The following ANKRD27 variants were observed in gnomAD, a reference collection of about 807,000 sequenced individuals.
ANKRD27 encodes the protein ankyrin repeat domain-containing protein 27.
ANKRD27 carries 112 observed loss-of-function variants against 129.7 expected under a neutral mutation model. The ratio of observed to expected loss-of-function variants is 0.86; its 90% CI spans 0.74 to 1.01. ANKRD27 has a LOEUF of 1.01. Among genes scored for constraint, ANKRD27 ranks in the 50% least tolerant of loss-of-function variants. The probability of loss-of-function intolerance (pLI) is 0.00; values close to 1 mark genes in which losing one functional copy is unlikely to be tolerated. For missense variants in ANKRD27, 1,258 were observed against 1,300.5 expected (o/e 0.97, Z 0.50); for synonymous variants, 516 against 511.2 (o/e 1.01, Z -0.13).
chr19:32,646,878 T>G (rs1191173300), intron 3 of ANKRD27, among the ~76,000 whole-genome samples: 1 of 152,162 alleles, frequency 6.6e-6, no homozygotes, highest in East Asian at 1.9e-4. Flanking sequence ...CAGGCTGGAG[T>G]GCAGTGGTGC....
At position 32,642,086 on chromosome 19, in the gene ANKRD27, T is replaced by C; in HGVS notation, c.842A>G (p.Gln281Arg). The change falls in exon 10 of 29, where the codon CAG becomes CGG. Residue 281 changes from glutamine to arginine, a missense_variant. Coordinates refer to ENST00000306065, the MANE Select transcript of ANKRD27 (RefSeq NM_032139.3). ...LAQLNKCTSP[Q>R]QKLVCLRKVV... ...TTTTCGCAAGCAGACAAGCTTCTGC[T>C]GTGGGGAGGTGCATTTGTTCAGCTG... 2 of 1,611,506 alleles carry C rather than the reference T, an allele frequency of 1.2e-6. No individual in the cohort carries two copies. Among genetic ancestry groups the C allele is most frequent in the Non-Finnish European group, 1.7e-6 (2 of 1,178,138 alleles).
chr19:32,658,827 A>G, intron 2 of ANKRD27, 87 bp downstream of exon 2: 1 of 1,178,688 alleles, frequency 8.5e-7, no homozygotes, highest in Non-Finnish European at 1.3e-6. Flanking sequence ...TGAGTTTATA[A>G]CAAACTCCCT....
chr19:32,639,225 C>T, intron 12 of ANKRD27, 131 bp downstream of exon 12: 3 of 1,067,622 alleles, frequency 2.8e-6, no homozygotes, highest in Non-Finnish European at 2.7e-6. Context: ...AGACTCACAG[C>T]CCTCAAACAG....
intron 20 of ANKRD27, 125 bp from the exon 21 acceptor site, chr19:32,617,758 T>TTG: frequency 1.4e-5 from 5 of 352,794 alleles, no homozygotes; most frequent in Middle Eastern, 8.7e-4. Context: ...ATTTAGTTTT[T>TTG]TTTTTTTTTT....
At chr19:32,624,762 G>A (rs376459875) in intron 17 of ANKRD27, among the ~76,000 whole-genome samples, 4 of 151,786 alleles carry the variant, frequency 2.6e-5, no homozygotes, top group South Asian at 2.1e-4. Context: ...GCAACATGGC[G>A]AAACCCTTTC....
At chr19:32,624,227 T>C (rs925807027) in intron 17 of ANKRD27, among the ~76,000 whole-genome samples, 1 of 151,712 alleles carries the variant, frequency 6.6e-6, no homozygotes, top group African/African-American at 2.4e-5. Flanking sequence ...ATTAGCTGGA[T>C]GTGGTGGTAT....
At chr19:32,668,964 TAA>T (rs1316457103) in intron 1 of ANKRD27, among the ~76,000 whole-genome samples, 1 of 152,016 alleles carries the variant, frequency 6.6e-6, no homozygotes, top group African/African-American at 2.4e-5. Flanking sequence ...CAAGGATAAA[TAA>T]GAGCCATTCA....
intron 21 of ANKRD27, among the ~76,000 whole-genome samples, chr19:32,616,774 A>C (rs1490879600): frequency 6.6e-6 from 1 of 152,148 alleles, no homozygotes; most frequent in Non-Finnish European, 1.5e-5. Context: ...ATACCTGCTT[A>C]TGACTCCTCA....
Position 32,615,724 on chromosome 19 carries a change from G to T in ANKRD27, c.2109C>A (p.Val703=). The T allele has an allele frequency of 6.2e-7, 1 of 1,614,190 alleles. No individual in the cohort carries two copies. Among genetic ancestry groups the T allele is most frequent in the Non-Finnish European group, 8.5e-7 (1 of 1,180,032 alleles). ...GACAGAATTCGGGGTCCGCTGCACT[G>T]ACAGTGTCCTCCGCATCCTCCAGGT... ...EEDLEDAEDT[V]SAADPEFCHP... is the part of the protein sequence containing the mutation. Residue 703 remains valine, a synonymous_variant, in exon 22 of 29, where the codon GTC becomes GTA. Coordinates refer to ENST00000306065, the MANE Select transcript of ANKRD27 (RefSeq NM_032139.3).
intron 2 of ANKRD27, among the ~76,000 whole-genome samples, chr19:32,658,516 G>A (rs1267098496): frequency 6.6e-6 from 1 of 152,216 alleles, no homozygotes; most frequent in African/African-American, 2.4e-5. Flanking sequence ...CTTATTCTAT[G>A]AGGGTGAGCA....
Position 32,674,161 on chromosome 19 carries a change from A to C in ANKRD27, c.-31+910T>G, listed in dbSNP as rs141008822. Among the ~76,000 whole-genome samples the C allele has an allele frequency of 7.9e-3, 1,200 of 152,206 alleles. 9 individuals carry two copies. Among genetic ancestry groups the C allele is most frequent in the Middle Eastern group, 0.017 (5 of 294 alleles). Reference sequence around the variant, plus strand: ...AACAGAGCCAGACCCTGTCTCAAAAAGAAAAAAACGAAAAGAAAGAAAAGA... The same window carrying C: ...AACAGAGCCAGACCCTGTCTCAAAACGAAAAAAACGAAAAGAAAGAAAAGA... On this transcript the variant is annotated intron_variant, in intron 1 of 28. Coordinates refer to ENST00000306065, the MANE Select transcript of ANKRD27 (RefSeq NM_032139.3).
At chr19:32,657,497 T>C (rs911902821) in intron 2 of ANKRD27, among the ~76,000 whole-genome samples, 6 of 149,054 alleles carry the variant, frequency 4.0e-5, no homozygotes, top group Non-Finnish European at 7.4e-5. Context: ...CATGGTGGTT[T>C]GTGCCTGTAA....
chr19:32,608,432 C>T (rs1441275579), intron 22 of ANKRD27: 2 of 350,470 alleles, frequency 5.7e-6, no homozygotes, highest in South Asian at 2.3e-5. Context: ...TTTAAACCAC[C>T]GCTATAAGAA....
At chr19:32,621,498 G>A (rs1448826345) in intron 18 of ANKRD27, among the ~76,000 whole-genome samples, 2 of 152,084 alleles carry the variant, frequency 1.3e-5, no homozygotes, top group Non-Finnish European at 2.9e-5. Flanking sequence ...TGTGGTGGTG[G>A]GCACCTGTAA....
At chr19:32,634,597 C>A (rs1233676351) in intron 12 of ANKRD27, among the ~76,000 whole-genome samples, 4 of 152,156 alleles carry the variant, frequency 2.6e-5, no homozygotes, top group Non-Finnish European at 4.4e-5. Flanking sequence ...GACAAACAGA[C>A]ATGCCCAAGA....
intron 16 of ANKRD27, 134 bp downstream of exon 16, chr19:32,626,578 G>A: frequency 1.6e-6 from 1 of 624,844 alleles, no homozygotes; most frequent in Non-Finnish European, 2.7e-6. Context: ...CTGCAGCAGA[G>A]CTGGTGTGGA....
At chr19:32,673,898 A>C (rs1340137836) in intron 1 of ANKRD27, among the ~76,000 whole-genome samples, 1 of 151,448 alleles carries the variant, frequency 6.6e-6, no homozygotes, top group Non-Finnish European at 1.5e-5. Context: ...TGTAATCCCA[A>C]CACCTTGGGA....
At position 32,639,470 on chromosome 19, in the gene ANKRD27, G is replaced by A. The variant is rs150333975; in HGVS notation, c.1002C>T (p.Tyr334=). Residue 334 remains tyrosine (Y), a synonymous_variant, in exon 12 of 29, where the codon TAC becomes TAT. Coordinates refer to ENST00000306065, the MANE Select transcript of ANKRD27 (RefSeq NM_032139.3). The part of the protein sequence containing the change: ...EIPNWMANLS[Y]IKNFRFSSLA... ...AGCTGCTAAACCTGAAGTTTTTGATGTAACTCAAATTTGCCATCCTAATGA... is the reference window on the plus strand; with the variant it reads ...AGCTGCTAAACCTGAAGTTTTTGATATAACTCAAATTTGCCATCCTAATGA... The A allele has an allele frequency of 3.5e-4, 563 of 1,613,184 alleles. 1 individual carries two copies. In the African/African-American group the frequency reaches 6.8e-3, roughly 19 times the overall value.
intron 12 of ANKRD27, chr19:32,639,149 A>C: frequency 5.0e-6 from 3 of 597,158 alleles, no homozygotes; most frequent in Middle Eastern, 4.5e-4. Flanking sequence ...TGTAAATCCC[A>C]ATGATAACCC....
Sources: gnomAD v4.1 joint callset for allele counts (sites outside exome capture counted in the v4.1 genomes callset) on GRCh38, gnomAD v4.1.1 for gene constraint, MANE v1.5 for transcripts, NCBI Gene and HGNC (gene_info 2026-07-23, HGNC 2026-07-21) for gene names.